Variants in PIK3C2G observed in about 807,000 individuals in gnomAD.
The protein encoded by PIK3C2G is phosphatidylinositol 3-kinase C2 domain-containing subunit gamma.
Under a neutral mutation model 181.1 loss-of-function variants are expected in PIK3C2G, and 168 were observed. That is an observed-to-expected ratio of 0.93 (90% confidence interval 0.82 to 1.05). PIK3C2G has a LOEUF of 1.05. Ranked by LOEUF, PIK3C2G falls within the 50% of genes least tolerant of loss-of-function variation. The pLI, the probability that PIK3C2G is intolerant of heterozygous loss-of-function variation, is 0.00. For synonymous variants in PIK3C2G, 573 were observed against 592.2 expected (o/e 0.97, Z 0.47); for missense variants, 1,869 against 1,732.8 (o/e 1.08, Z -1.40).
At chr12:18,385,584 T>G (rs1328352241) in intron 14 of PIK3C2G, among the ~76,000 whole-genome samples, 1 of 152,024 alleles carries the variant, frequency 6.6e-6, no homozygotes, top group African/African-American at 2.4e-5. Context: ...TTATTATTAT[T>G]TGGAGATGAA....
intron 12 of PIK3C2G, among the ~76,000 whole-genome samples, chr12:18,363,626 C>T (rs1404556900): frequency 3.3e-5 from 5 of 151,960 alleles, no homozygotes; most frequent in African/African-American, 1.2e-4. Flanking sequence ...ATTCTTCCCA[C>T]CTCAAGCAGA....
intron 31 of PIK3C2G, among the ~76,000 whole-genome samples, chr12:18,632,905 A>G (rs76873354): frequency 0.019 from 2,913 of 152,234 alleles, 116 homozygotes; most frequent in African/African-American, 0.066. Flanking sequence ...ATTTAACCTG[A>G]TATCTGAAAT....
At chr12:18,534,691 TA>T (rs1555116025) in intron 24 of PIK3C2G, among the ~76,000 whole-genome samples, 1 of 2,146 alleles carries the variant, frequency 4.7e-4, no homozygotes, top group Admixed American at 5.4e-3. Context: ...TCATTTGGAT[TA>T]AAAAAAAAGA....
the PIK3C2G span, among the ~76,000 whole-genome samples, chr12:18,706,301 G>T: frequency 6.6e-6 from 1 of 151,680 alleles, no homozygotes. Flanking sequence ...GTTATCTACG[G>T]GTTTATGAAG....
intron 29 of PIK3C2G, among the ~76,000 whole-genome samples, chr12:18,567,875 T>C (rs553448984): frequency 6.6e-6 from 1 of 152,288 alleles, no homozygotes; most frequent in African/African-American, 2.4e-5. Context: ...ACAGGTTTTA[T>C]GGAATTAAAA....
the PIK3C2G span, among the ~76,000 whole-genome samples, chr12:18,680,095 T>A: frequency 0.041 from 6,211 of 152,070 alleles, 195 homozygotes; most frequent in African/African-American, 0.088. Context: ...TGGAAAGTAA[T>A]GTAATTAAAC....
chr12:18,621,498 T>C (rs1053384900), intron 31 of PIK3C2G, among the ~76,000 whole-genome samples: 1 of 151,844 alleles, frequency 6.6e-6, no homozygotes, highest in Non-Finnish European at 1.5e-5. Context: ...GTCCAGTTGA[T>C]AACTTCGTCA....
the PIK3C2G span, among the ~76,000 whole-genome samples, chr12:18,662,005 C>T: frequency 2.6e-5 from 4 of 152,204 alleles, no homozygotes; most frequent in East Asian, 7.7e-4. Context: ...TCCCATTATC[C>T]TAAGTGAACT....
intron 31 of PIK3C2G, among the ~76,000 whole-genome samples, chr12:18,630,253 A>G (rs914933040): frequency 6.6e-6 from 1 of 152,054 alleles, no homozygotes; most frequent in African/African-American, 2.4e-5. Flanking sequence ...TTAGCCAGAC[A>G]TAGTGACTCA....
At chr12:18,257,121 A>G (rs1220245297), upstream of PIK3C2G, among the ~76,000 whole-genome samples, 1 of 152,096 alleles carries the variant, frequency 6.6e-6, no homozygotes, top group Non-Finnish European at 1.5e-5. Context: ...TAAGTACCAA[A>G]TATGTTCTGT....
At chr12:18,251,521 A>C (rs537936447) in intron 1 of PIK3C2G, among the ~76,000 whole-genome samples, 1 of 152,186 alleles carries the variant, frequency 6.6e-6, no homozygotes, top group African/African-American at 2.4e-5. Context: ...TGTAGCCTAT[A>C]GTATCACAAA....
chr12:18,599,826 A>C (rs1947610640), intron 30 of PIK3C2G, among the ~76,000 whole-genome samples: 1 of 151,986 alleles, frequency 6.6e-6, no homozygotes, highest in Admixed American at 6.6e-5. Context: ...GAAAAAGAGG[A>C]ATTTAGGCTA....
chr12:18,695,620 C>G, the PIK3C2G span, among the ~76,000 whole-genome samples: 1 of 152,022 alleles, frequency 6.6e-6, no homozygotes, highest in African/African-American at 2.4e-5. Flanking sequence ...CTCACACCTA[C>G]AGGCCTTGCC....
At chr12:18,722,215 C>G in the PIK3C2G span, among the ~76,000 whole-genome samples, 2 of 11,864 alleles carry the variant, frequency 1.7e-4, no homozygotes, top group African/African-American at 2.8e-4. Context: ...TCTCCATCAC[C>G]TTCTTGCTCT....
intron 24 of PIK3C2G, among the ~76,000 whole-genome samples, chr12:18,507,220 G>A (rs916178300): frequency 2.0e-5 from 3 of 151,932 alleles, no homozygotes; most frequent in Non-Finnish European, 2.9e-5. Flanking sequence ...AGTAGAGGTG[G>A]GGTTTCGCCA....
chr12:18,281,913 CAGTT>C lies in PIK3C2G; in HGVS notation c.-78-85_-78-82del. ...ACTTGCTAAAAAAAAGCCCACAAAA[CAGTT>C]AGTTATAGTTATTTATCCTATATCT... is the stretch of plus-strand genomic sequence containing the variant. On this transcript the variant is annotated intron_variant, in intron 1 of 32. Coordinates refer to ENST00000538779, the MANE Select transcript of PIK3C2G (RefSeq NM_001288772.2). 5 of 551,916 alleles carry C rather than the reference CAGTT, an allele frequency of 9.1e-6. No homozygotes were observed. In the South Asian group the frequency reaches 1.2e-4, roughly 13 times the overall value. 34.2% of individuals were successfully genotyped at this position (551,916 alleles called of 1,614,324 possible).
chr12:18,566,143 A>C (rs1399049989), intron 28 of PIK3C2G, among the ~76,000 whole-genome samples: 2 of 152,160 alleles, frequency 1.3e-5, no homozygotes, highest in Non-Finnish European at 2.9e-5. Context: ...TTCCAACAGT[A>C]ATCAGTGGGG....
Position 18,421,022 on chromosome 12 carries a change from A to G in PIK3C2G, c.2397A>G (p.Pro799=), listed in dbSNP as rs769316664. The change falls in exon 17 of 33, where the codon CCA becomes CCG. Residue 799 remains proline, a synonymous_variant. Coordinates refer to ENST00000538779, the MANE Select transcript of PIK3C2G (RefSeq NM_001288772.2). The part of the protein sequence containing the change: ...LLNDELLEYL[P]QLVQAVKFEW... Reference sequence around the variant, plus strand: ...ATGATGAACTACTGGAATATCTCCCACAGCTAGTTCAGGTAAGAATAGAAG... The same window carrying G: ...ATGATGAACTACTGGAATATCTCCCGCAGCTAGTTCAGGTAAGAATAGAAG... 1.3e-6 allele frequency: 2 copies of G among 1,573,548 alleles called. No homozygotes were observed. The highest frequency in any genetic ancestry group is 1.7e-6 in the Non-Finnish European group (2 of 1,143,490).
At chr12:18,477,997 T>G in intron 18 of PIK3C2G, among the ~76,000 whole-genome samples, 1 of 152,226 alleles carries the variant, frequency 6.6e-6, no homozygotes, top group Admixed American at 6.5e-5. Context: ...TTTGCTATTC[T>G]TATGAAACAT....
Sources: gnomAD v4.1 joint callset for allele counts (sites outside exome capture counted in the v4.1 genomes callset) on GRCh38, gnomAD v4.1.1 for gene constraint, MANE v1.5 for transcripts, NCBI Gene and HGNC (gene_info 2026-07-23, HGNC 2026-07-21) for gene names.